Variants in MAGI2 observed in about 807,000 individuals in gnomAD.
MAGI2 encodes membrane-associated guanylate kinase, WW and PDZ domain-containing protein 2.
MAGI2 carries 35 observed loss-of-function variants against 133.3 expected under a neutral mutation model. The ratio of observed to expected loss-of-function variants is 0.26; its 90% CI spans 0.20 to 0.35. MAGI2 has a LOEUF of 0.35. Among genes scored for constraint, MAGI2 ranks in the 10% least tolerant of loss-of-function variants. The probability of loss-of-function intolerance (pLI) is 1.00; values close to 1 mark genes in which losing one functional copy is unlikely to be tolerated. For synonymous variants in MAGI2, 729 were observed against 710.6 expected (o/e 1.03, Z -0.41); for missense variants, 1,636 against 1,863.4 (o/e 0.88, Z 2.25).
At chr7:79,353,404 C>T in intron 1 of MAGI2, 1 of 453,270 alleles carries the variant, frequency 2.2e-6, no homozygotes, top group Admixed American at 2.4e-5. Flanking sequence ...TCCCAGATCC[C>T]TTAATCAACA....
At chr7:79,165,217 T>C (rs952797328) in intron 1 of MAGI2, among the ~76,000 whole-genome samples, 6 of 151,692 alleles carry the variant, frequency 4.0e-5, no homozygotes, top group African/African-American at 1.5e-4. Context: ...TAAGCTTAAC[T>C]GATGGACATA....
intron 10 of MAGI2, among the ~76,000 whole-genome samples, chr7:78,227,147 T>C (rs1789469888): frequency 1.3e-5 from 2 of 152,246 alleles, no homozygotes; most frequent in Non-Finnish European, 2.9e-5. Flanking sequence ...TGTAAAAGTA[T>C]AACTCTCTGA....
At chr7:78,085,948 G>T (rs1434891968) in intron 20 of MAGI2, among the ~76,000 whole-genome samples, 1 of 152,180 alleles carries the variant, frequency 6.6e-6, no homozygotes, top group Non-Finnish European at 1.5e-5. Flanking sequence ...ATAACGGGGA[G>T]CTGGCTTTAG....
intron 1 of MAGI2, among the ~76,000 whole-genome samples, chr7:79,136,052 A>AGAAAGAAAGAAG (rs1821468838): frequency 7.3e-6 from 1 of 136,372 alleles, no homozygotes; most frequent in African/African-American, 2.9e-5. Flanking sequence ...AAAGAAGGAA[A>AGAAAGAAAGAAG]GAAAGAAAGA....
intron 21 of MAGI2, among the ~76,000 whole-genome samples, chr7:78,069,823 C>G (rs1444906826): frequency 6.6e-6 from 1 of 151,900 alleles, no homozygotes; most frequent in Non-Finnish European, 1.5e-5. Context: ...GAAAGCAGCC[C>G]TCTTGCGGGA....
chr7:78,963,616 T>G (rs989690848), intron 2 of MAGI2, among the ~76,000 whole-genome samples: 3 of 152,030 alleles, frequency 2.0e-5, no homozygotes, highest in Admixed American at 6.6e-5. Context: ...AGCTGGCATG[T>G]GAAGTAACAA....
chr7:78,661,420 C>T (rs1387952245), intron 2 of MAGI2, among the ~76,000 whole-genome samples: 1 of 152,188 alleles, frequency 6.6e-6, no homozygotes, highest in Non-Finnish European at 1.5e-5. Flanking sequence ...CTTCAGGTCC[C>T]TAACTCAGCA....
intron 1 of MAGI2, among the ~76,000 whole-genome samples, chr7:79,123,785 CA>C (rs71095377): frequency 1.9e-3 from 117 of 60,762 alleles, no homozygotes; most frequent in African/African-American, 5.9e-3. Context: ...GACTCCATCT[CA>C]AAAAAAAAAA....
chr7:78,873,454 C>G (rs575244520), intron 2 of MAGI2, among the ~76,000 whole-genome samples: 1 of 151,964 alleles, frequency 6.6e-6, no homozygotes, highest in Non-Finnish European at 1.5e-5. Context: ...CTGTTGTGAA[C>G]CCCACATGTA....
chr7:79,301,914 C>T (rs1450939839), intron 1 of MAGI2, among the ~76,000 whole-genome samples: 1 of 152,066 alleles, frequency 6.6e-6, no homozygotes, highest in Non-Finnish European at 1.5e-5. Context: ...GTGTGTGGCA[C>T]CTCTCCCCAG....
intron 1 of MAGI2, among the ~76,000 whole-genome samples, chr7:79,338,972 C>T (rs1276290889): frequency 2.0e-5 from 3 of 152,072 alleles, no homozygotes; most frequent in African/African-American, 4.8e-5. Flanking sequence ...AGTCAGTAGA[C>T]ATTATTGTAC....
At chr7:78,648,238 G>A (rs943193641) in intron 2 of MAGI2, among the ~76,000 whole-genome samples, 3 of 152,124 alleles carry the variant, frequency 2.0e-5, no homozygotes, top group African/African-American at 7.2e-5. Flanking sequence ...AAAAAATTCT[G>A]TCATGGTTCC....
At chr7:78,747,047 C>T (rs1369532343) in intron 2 of MAGI2, among the ~76,000 whole-genome samples, 3 of 152,098 alleles carry the variant, frequency 2.0e-5, no homozygotes, top group Non-Finnish European at 1.5e-5. Flanking sequence ...AGGAAATATA[C>T]CAAGTGCACA....
intron 1 of MAGI2, among the ~76,000 whole-genome samples, chr7:79,020,169 G>T (rs757498591): frequency 3.3e-5 from 5 of 152,162 alleles, no homozygotes; most frequent in Non-Finnish European, 7.3e-5. Flanking sequence ...CTATGCTCCA[G>T]CAAAGAGATT....
chr7:79,126,394 T>A (rs1019960178), intron 1 of MAGI2, among the ~76,000 whole-genome samples: 3 of 152,176 alleles, frequency 2.0e-5, no homozygotes, highest in African/African-American at 7.2e-5. Context: ...GTTGGGGTAA[T>A]CAGTCTTTCC....
intron 1 of MAGI2, among the ~76,000 whole-genome samples, chr7:79,123,525 C>A (rs1820096799): frequency 6.6e-6 from 1 of 152,086 alleles, no homozygotes; most frequent in South Asian, 2.1e-4. Flanking sequence ...ATTCCTCATG[C>A]CTGTAATCCC....
chr7:78,248,387 A>G lies in MAGI2; in HGVS notation c.2047+7556T>C, dbSNP rs139969483. 3.9e-3 allele frequency among the ~76,000 whole-genome samples: 598 copies of G among 152,328 alleles called. 5 individuals carry two copies. Among genetic ancestry groups the G allele is most frequent in the African/African-American group, 0.014 (572 of 41,586 alleles). On this transcript the variant is annotated intron_variant, in intron 10 of 21. Transcript: ENST00000354212. ...ATCATAGATATCTCTACTATGAACC[A>G]TTAACAAAACATCAGTAGTAAGTCC...
At chr7:78,072,766 A>C (rs1287062328) in intron 21 of MAGI2, 1 of 396,420 alleles carries the variant, frequency 2.5e-6, no homozygotes, top group Admixed American at 4.4e-5. Context: ...TTGCATTCTC[A>C]ACTTCCTGTG....
intron 2 of MAGI2, among the ~76,000 whole-genome samples, chr7:78,650,972 G>A (rs754779012): frequency 2.0e-5 from 3 of 152,072 alleles, no homozygotes; most frequent in Non-Finnish European, 4.4e-5. Context: ...CTTTCTCAGT[G>A]GTGATTTGAG....
Sources: allele counts gnomAD v4.1 joint callset (sites outside exome capture counted in the v4.1 genomes callset), GRCh38; gene constraint gnomAD v4.1.1; transcripts MANE v1.5; gene names NCBI Gene and HGNC (gene_info 2026-07-23, HGNC 2026-07-21).